Variants in SLC35F4 observed in about 807,000 individuals in gnomAD.
SLC35F4 encodes the protein chromosome 14 open reading frame 36.
SLC35F4 carries 24 observed loss-of-function variants against 44.2 expected under a neutral mutation model. The observed-to-expected ratio is 0.54, with a 90% CI of 0.39 to 0.76. SLC35F4 has a LOEUF of 0.76. SLC35F4 is among the 30% of genes least tolerant of loss of function. SLC35F4 has a pLI of 0.00. For synonymous variants in SLC35F4, 238 were observed against 223.6 expected (o/e 1.06, Z -0.57); for missense variants, 562 against 586.1 (o/e 0.96, Z 0.42).
intron 1 of SLC35F4, among the ~76,000 whole-genome samples, chr14:57,944,036 A>AC (rs1889963321): frequency 6.6e-6 from 1 of 151,020 alleles, no homozygotes; most frequent in Non-Finnish European, 1.5e-5. Context: ...TCACAACTCA[A>AC]CCCCCTCCCC....
rs144758549 is a variant in SLC35F4, at chr14:57,581,433, C to A, written c.588G>T (p.Arg196Ser). ...QEKQSPMKKFRECSRIFGEDG... is the reference protein window; with the variant it reads ...QEKQSPMKKFSECSRIFGEDG... Reference sequence around the variant, plus strand: ...CTTCACCAAAAATCCGACTGCATTCCCTAGGAAAGAAAAGAGAAGTTAATA... The same window carrying A: ...CTTCACCAAAAATCCGACTGCATTCACTAGGAAAGAAAAGAGAAGTTAATA... Residue 196 changes from arginine (R) to serine (S), a missense_variant and splice_region_variant, in exon 4 of 8, where the codon AGG (arginine) becomes AGT (serine). By Grantham distance (110) the Arg-to-Ser change is moderately radical. Coordinates refer to ENST00000556826, the MANE Select transcript of SLC35F4 (RefSeq NM_001306087.2). 5.0e-6 allele frequency: 8 copies of A among 1,605,026 alleles called. No homozygotes were observed. In the Admixed American group the frequency reaches 8.5e-5, roughly 17 times the overall value.
At chr14:57,587,702 C>T (rs1433288371) in intron 3 of SLC35F4, among the ~76,000 whole-genome samples, 2 of 152,078 alleles carry the variant, frequency 1.3e-5, no homozygotes, top group East Asian at 1.9e-4. Flanking sequence ...AGCAAACCAC[C>T]ATGGCACATG....
At chr14:57,896,281 G>T (rs117211392) in intron 1 of SLC35F4, among the ~76,000 whole-genome samples, 10,603 of 152,190 alleles carry the variant, frequency 0.07, 472 homozygotes, top group Middle Eastern at 0.15. Context: ...TAGTGAAAAA[G>T]AACAAACTAT....
intron 1 of SLC35F4, among the ~76,000 whole-genome samples, chr14:57,634,684 A>G (rs557202645): frequency 4.6e-5 from 7 of 152,112 alleles, no homozygotes; most frequent in South Asian, 2.1e-4. Context: ...TCCCCTAAGT[A>G]TAATTCAAAG....
chr14:57,566,685 A>T, intron 6 of SLC35F4, 121 bp from the exon 7 acceptor site: 1 of 953,980 alleles, frequency 1.0e-6, no homozygotes, highest in Non-Finnish European at 1.6e-6. Flanking sequence ...TATACCTTTG[A>T]TCCTCTAATT....
chr14:57,865,352 C>T (rs941882362), intron 1 of SLC35F4, among the ~76,000 whole-genome samples: 7 of 152,208 alleles, frequency 4.6e-5, no homozygotes, highest in African/African-American at 1.7e-4. Context: ...GCATGTATCC[C>T]CTAGGGCTGA....
intron 1 of SLC35F4, among the ~76,000 whole-genome samples, chr14:57,650,478 T>C (rs10140644): frequency 0.5 from 76,520 of 151,848 alleles, 19,479 homozygotes; most frequent in Non-Finnish European, 0.55. Flanking sequence ...TCTACTGATT[T>C]GCCCAAAACA....
chr14:57,854,488 A>G (rs1886891311), intron 1 of SLC35F4, among the ~76,000 whole-genome samples: 1 of 152,218 alleles, frequency 6.6e-6, no homozygotes, highest in South Asian at 2.1e-4. Flanking sequence ...TATGAAAGGA[A>G]CAATGCTACT....
At chr14:57,622,049 C>CA in intron 1 of SLC35F4, among the ~76,000 whole-genome samples, 1 of 149,838 alleles carries the variant, frequency 6.7e-6, no homozygotes, top group Non-Finnish European at 1.5e-5. Context: ...TTTATGCAGC[C>CA]AAAAAACACA....
intron 1 of SLC35F4, among the ~76,000 whole-genome samples, chr14:57,736,452 C>T (rs1355692239): frequency 6.6e-6 from 1 of 152,166 alleles, no homozygotes; most frequent in Non-Finnish European, 1.5e-5. Context: ...CTTCAAGGTC[C>T]ACCTGTGGAA....
At chr14:57,647,518 A>T (rs1175714025) in intron 1 of SLC35F4, among the ~76,000 whole-genome samples, 1 of 152,016 alleles carries the variant, frequency 6.6e-6, no homozygotes, top group Non-Finnish European at 1.5e-5. Context: ...ACTGCACTGT[A>T]ATTCCTGGTG....
chr14:57,933,233 G>A (rs924381328), intron 1 of SLC35F4, among the ~76,000 whole-genome samples: 2 of 151,886 alleles, frequency 1.3e-5, no homozygotes, highest in African/African-American at 4.8e-5. Flanking sequence ...ATATTGACCA[G>A]GCTGGTCTTG....
intron 1 of SLC35F4, among the ~76,000 whole-genome samples, chr14:57,912,821 C>A (rs1889242665): frequency 6.6e-6 from 1 of 151,998 alleles, no homozygotes; most frequent in Admixed American, 6.5e-5. Context: ...TCTATTCTTA[C>A]TAATTTTCAG....
chr14:57,929,097 T>C (rs1186040909), intron 1 of SLC35F4, among the ~76,000 whole-genome samples: 1 of 152,158 alleles, frequency 6.6e-6, no homozygotes, highest in Non-Finnish European at 1.5e-5. Context: ...TAAGAGATTG[T>C]GAACCCCTGC....
chr14:57,857,982 A>G (rs546160034), intron 1 of SLC35F4, among the ~76,000 whole-genome samples: 82 of 152,200 alleles, frequency 5.4e-4, no homozygotes, highest in African/African-American at 1.8e-3. Flanking sequence ...ACAGTGAGAT[A>G]CCATCTCACA....
At chr14:57,915,238 T>G (rs1889297454) in intron 1 of SLC35F4, among the ~76,000 whole-genome samples, 2 of 152,104 alleles carry the variant, frequency 1.3e-5, no homozygotes, top group Admixed American at 6.5e-5. Flanking sequence ...CTATTCTGCC[T>G]TTTAGAGCTC....
chr14:57,787,150 T>A (rs1365201241), intron 1 of SLC35F4, among the ~76,000 whole-genome samples: 1 of 151,996 alleles, frequency 6.6e-6, no homozygotes, highest in Non-Finnish European at 1.5e-5. Context: ...ACTGAACAAG[T>A]GGAAGAAAGA....
intron 1 of SLC35F4, among the ~76,000 whole-genome samples, chr14:57,964,616 T>C (rs1033782539): frequency 1.3e-5 from 2 of 152,078 alleles, no homozygotes; most frequent in Admixed American, 6.5e-5. Context: ...AACCTATTAT[T>C]TTCCTGGGAG....
intron 1 of SLC35F4, among the ~76,000 whole-genome samples, chr14:57,836,402 C>T (rs1595174991): frequency 6.6e-6 from 1 of 152,146 alleles, no homozygotes; most frequent in South Asian, 2.1e-4. Context: ...AAGTGATTCT[C>T]CTGCCTCAGC....
Sources: gnomAD v4.1 joint callset for allele counts (sites outside exome capture counted in the v4.1 genomes callset) on GRCh38, gnomAD v4.1.1 for gene constraint, MANE v1.5 for transcripts, NCBI Gene and HGNC (gene_info 2026-07-23, HGNC 2026-07-21) for gene names.